Variants in TRIM55 observed in about 807,000 individuals in gnomAD.
TRIM55 encodes tripartite motif-containing protein 55.
Under a neutral mutation model 60.9 loss-of-function variants are expected in TRIM55, and 50 were observed. The ratio of observed to expected loss-of-function variants is 0.82; its 90% CI spans 0.65 to 1.04. The LOEUF (loss-of-function observed/expected upper bound fraction) is 1.04, where lower values mean the gene tolerates loss of function less well. TRIM55 is among the 50% of genes least tolerant of loss of function. The pLI, the probability that TRIM55 is intolerant of heterozygous loss-of-function variation, is 0.00. For synonymous variants in TRIM55, 237 were observed against 238.1 expected (o/e 1.00, Z 0.04); for missense variants, 681 against 666.9 (o/e 1.02, Z -0.23).
the TRIM55 span, among the ~76,000 whole-genome samples, chr8:66,115,368 A>G: frequency 6.6e-6 from 1 of 152,232 alleles, no homozygotes; most frequent in Non-Finnish European, 1.5e-5. Flanking sequence ...CAGGATGTTC[A>G]TAAAAACAAA....
intron 4 of TRIM55, among the ~76,000 whole-genome samples, chr8:66,149,052 GAAGA>G (rs1810259375): frequency 2.0e-5 from 3 of 152,084 alleles, no homozygotes; most frequent in African/African-American, 7.2e-5. Flanking sequence ...CTGTCTCAAA[GAAGA>G]AAGAAAGGAA....
intron 4 of TRIM55, among the ~76,000 whole-genome samples, 179 bp downstream of exon 4, chr8:66,137,369 CAT>C (rs1293205101): frequency 6.6e-6 from 1 of 152,218 alleles, no homozygotes; most frequent in African/African-American, 2.4e-5. Context: ...GACATTATCA[CAT>C]GAGTCACTGA....
intron 8 of TRIM55, among the ~76,000 whole-genome samples, chr8:66,152,983 A>G (rs966242554): frequency 6.6e-6 from 1 of 151,360 alleles, no homozygotes; most frequent in Non-Finnish European, 1.5e-5. Flanking sequence ...TAGAGAGCTG[A>G]TATCATGGGG....
intron 4 of TRIM55, among the ~76,000 whole-genome samples, chr8:66,144,243 G>A (rs547048683): frequency 1.3e-5 from 2 of 152,190 alleles, no homozygotes; most frequent in South Asian, 4.2e-4. Flanking sequence ...GTTGGCATTG[G>A]TTAGAAACAA....
At chr8:66,163,584 T>A (rs1301916657) in intron 9 of TRIM55, among the ~76,000 whole-genome samples, 1 of 152,258 alleles carries the variant, frequency 6.6e-6, no homozygotes, top group Non-Finnish European at 1.5e-5. Context: ...GATTTTCAGA[T>A]ATCTTTCTTT....
At chr8:66,174,225 CACTGCATGCATT>C (rs1811795674) in intron 9 of TRIM55, among the ~76,000 whole-genome samples, 1 of 151,240 alleles carries the variant, frequency 6.6e-6, no homozygotes, top group Non-Finnish European at 1.5e-5. Context: ...AACTTCTCTC[CACTGCATGCATT>C]ACTGTTCCTT....
At chr8:66,172,266 G>A (rs1811684413) in intron 9 of TRIM55, among the ~76,000 whole-genome samples, 1 of 152,170 alleles carries the variant, frequency 6.6e-6, no homozygotes, top group Admixed American at 6.5e-5. Flanking sequence ...CAGCTAATAA[G>A]TAGTTTGTGT....
Position 66,127,440 on chromosome 8 carries a change from G to C in TRIM55, c.168+4G>C, listed in dbSNP as rs770251142. ...ATGTGCCAGTGATATTTTCCAGGTA[G>C]GTTTGTTTGGAATTTGGTTGAGGGG... is the stretch of plus-strand genomic sequence containing the variant. On this transcript the variant is annotated splice_donor_region_variant and intron_variant, in intron 1 of 9. Coordinates refer to ENST00000315962, the MANE Select transcript of TRIM55 (RefSeq NM_184085.2). 10 of 1,613,908 alleles carry C rather than the reference G, an allele frequency of 6.2e-6. No individual in the cohort carries two copies. Among genetic ancestry groups the C allele is most frequent in the South Asian group, 1.1e-5 (1 of 91,044 alleles).
upstream of TRIM55, among the ~76,000 whole-genome samples, chr8:66,123,735 G>C (rs1022988181): frequency 2.0e-5 from 3 of 152,146 alleles, no homozygotes; most frequent in Admixed American, 2.0e-4. Context: ...GTACACGCCT[G>C]TAGTACCAGC....
intron 7 of TRIM55, among the ~76,000 whole-genome samples, chr8:66,150,710 A>C (rs991089026): frequency 6.0e-5 from 9 of 151,084 alleles, no homozygotes; most frequent in Admixed American, 1.3e-4. Context: ...TCTGTTGCCC[A>C]GCCTAGAGTG....
At chr8:66,174,351 T>A in intron 9 of TRIM55, 120 bp from the exon 10 acceptor site, 2 of 714,552 alleles carry the variant, frequency 2.8e-6, no homozygotes, top group East Asian at 5.7e-5. Context: ...TATAATAATA[T>A]TGTTATTATA....
intron 9 of TRIM55, among the ~76,000 whole-genome samples, chr8:66,173,255 A>G (rs1385861274): frequency 6.6e-6 from 1 of 152,168 alleles, no homozygotes; most frequent in Non-Finnish European, 1.5e-5. Context: ...ACTTTCTATC[A>G]GGAAGCAATG....
At chr8:66,132,394 C>T (rs114374169) in intron 2 of TRIM55, among the ~76,000 whole-genome samples, 1,950 of 152,258 alleles carry the variant, frequency 0.013, 47 homozygotes, top group African/African-American at 0.04. Context: ...GTGGAGGTTG[C>T]GGTGAGCTGA....
intron 4 of TRIM55, among the ~76,000 whole-genome samples, chr8:66,145,169 T>A (rs1810034271): frequency 6.6e-6 from 1 of 152,212 alleles, no homozygotes; most frequent in Non-Finnish European, 1.5e-5. Context: ...TCTAAGTTAG[T>A]CTCTTGTGTG....
At position 66,154,185 on chromosome 8, in the gene TRIM55, T is replaced by G; in HGVS notation, c.1375T>G (p.Cys459Gly). 6.2e-7 allele frequency: 1 copy of G among 1,614,078 alleles called. No individual in the cohort carries two copies. Among genetic ancestry groups the G allele is most frequent in the Non-Finnish European group, 8.5e-7 (1 of 1,180,014 alleles). Reference sequence around the variant, plus strand: ...CCGGAAAGCCACCACCAACCCACCTTGCACCCCAGGGAGCGAAGGTCTGGG... The same window carrying G: ...CCGGAAAGCCACCACCAACCCACCTGGCACCCCAGGGAGCGAAGGTCTGGG... ...QTRKATTNPP[C>G]TPGSEGLGQI... is the part of the protein sequence containing the mutation. The change falls in exon 9 of 10, where the codon TGC becomes GGC. Residue 459 changes from cysteine to glycine, a missense_variant. Transcript: ENST00000315962.
At chr8:66,142,552 G>A (rs991211329) in intron 4 of TRIM55, among the ~76,000 whole-genome samples, 12 of 152,204 alleles carry the variant, frequency 7.9e-5, no homozygotes, top group African/African-American at 1.2e-4. Flanking sequence ...CCCTTATAGC[G>A]TCTACTCAAG....
At chr8:66,163,215 A>G (rs984301134) in intron 9 of TRIM55, among the ~76,000 whole-genome samples, 1 of 152,192 alleles carries the variant, frequency 6.6e-6, no homozygotes, top group Non-Finnish European at 1.5e-5. Context: ...ATCTTTAAAA[A>G]AAACCCAGCT....
chr8:66,157,053 T>C (rs371842784), intron 9 of TRIM55, among the ~76,000 whole-genome samples: 1 of 152,258 alleles, frequency 6.6e-6, no homozygotes, highest in Non-Finnish European at 1.5e-5. Context: ...TGAAGGGTTC[T>C]GTTTACATTC....
chr8:66,159,515 T>C (rs1810928711), intron 9 of TRIM55, among the ~76,000 whole-genome samples: 1 of 152,246 alleles, frequency 6.6e-6, no homozygotes, highest in South Asian at 2.1e-4. Flanking sequence ...TATAGGTCTT[T>C]GTGTGAATAC....
Sources: allele counts gnomAD v4.1 joint callset (sites outside exome capture counted in the v4.1 genomes callset), GRCh38; gene constraint gnomAD v4.1.1; transcripts MANE v1.5; gene names NCBI Gene and HGNC (gene_info 2026-07-23, HGNC 2026-07-21).